Variants in KAZN observed in about 807,000 individuals in gnomAD.
KAZN encodes kazrin.
KAZN carries 40 observed loss-of-function variants against 87.4 expected under a neutral mutation model. The observed-to-expected ratio is 0.46, with a 90% CI of 0.36 to 0.60. KAZN has a LOEUF of 0.60. Ranked by LOEUF, KAZN falls within the 20% of genes least tolerant of loss-of-function variation. The probability of loss-of-function intolerance (pLI) is 0.00; values close to 1 mark genes in which losing one functional copy is unlikely to be tolerated. For missense variants in KAZN, 898 were observed against 1,073.9 expected (o/e 0.84, Z 2.29); for synonymous variants, 466 against 458.3 (o/e 1.02, Z -0.22).
intron 1 of KAZN, among the ~76,000 whole-genome samples, chr1:13,945,294 T>C (rs1641093823): frequency 6.8e-6 from 1 of 147,272 alleles, no homozygotes; most frequent in African/African-American, 2.5e-5. Flanking sequence ...GCCAACATGG[T>C]GAAACCCCCA....
At chr1:14,870,466 C>T (rs1199454185) in intron 1 of KAZN, among the ~76,000 whole-genome samples, 1 of 152,160 alleles carries the variant, frequency 6.6e-6, no homozygotes, top group Non-Finnish European at 1.5e-5. Context: ...CCTCAGCCTC[C>T]AAGTAGCTGG....
intron 1 of KAZN, among the ~76,000 whole-genome samples, chr1:13,935,900 G>GTGTGTGTA (rs60444554): frequency 0.091 from 12,875 of 141,392 alleles, 1,231 homozygotes; most frequent in East Asian, 0.13. Flanking sequence ...GTGTGTGTGT[G>GTGTGTGTA]TAGAATCAGA....
chr1:14,556,418 C>T (rs1052582700), intron 2 of KAZN, among the ~76,000 whole-genome samples: 2 of 152,172 alleles, frequency 1.3e-5, no homozygotes, highest in East Asian at 3.9e-4. Flanking sequence ...GGGGGAAGAG[C>T]AGTTCTTAAG....
intron 1 of KAZN, among the ~76,000 whole-genome samples, chr1:14,695,773 G>A (rs59723406): frequency 0.023 from 3,438 of 151,778 alleles, 144 homozygotes; most frequent in African/African-American, 0.079. Flanking sequence ...CAAAGTGCTG[G>A]GATTACAGGC....
intron 2 of KAZN, among the ~76,000 whole-genome samples, chr1:14,473,323 G>A (rs1668550390): frequency 6.6e-6 from 1 of 152,106 alleles, no homozygotes; most frequent in Non-Finnish European, 1.5e-5. Flanking sequence ...TGCTAAGCCT[G>A]GCAACTTTAT....
In KAZN at chr1:15,056,214, G is replaced by A. The variant is rs748641210; in HGVS notation, c.850G>A (p.Ala284Thr). Residue 284 changes from alanine to threonine, a missense_variant, in exon 5 of 15, where the codon GCA (alanine) becomes ACA (threonine). This residue lies in a region of KAZN where 521 missense variants were observed against 689.4 expected (regional missense o/e 0.76). Coordinates refer to ENST00000376030, the MANE Select transcript of KAZN (RefSeq NM_201628.3). This position sits in a 1 kb window ranked among gnomAD's most constrained non-coding sequence, Gnocchi z 5.4. ...WVVQADLPLT[A>T]AIRQSQQTLY... ...GGTGCAGGCGGACCTCCCGCTGACC[G>A]CAGCCATCCGGCAGAGTCAACAGAC... 5 of 1,613,904 alleles carry A rather than the reference G, an allele frequency of 3.1e-6. No individual in the cohort carries two copies. The highest frequency in any genetic ancestry group is 1.7e-5 in the Admixed American group (1 of 59,998).
At chr1:15,019,545 C>A (rs79975272) in intron 2 of KAZN, among the ~76,000 whole-genome samples, 19,775 of 151,956 alleles carry the variant, frequency 0.13, 1,814 homozygotes, top group East Asian at 0.49. Context: ...CCCGCCACCA[C>A]GCCAAGCTAA....
chr1:14,839,229 A>C (rs1216190832), intron 1 of KAZN, among the ~76,000 whole-genome samples: 1 of 152,046 alleles, frequency 6.6e-6, no homozygotes, highest in African/African-American at 2.4e-5. Context: ...CAGTCTCCGG[A>C]GTGTTCTGTC....
At chr1:14,693,002 T>A (rs759978949) in intron 1 of KAZN, among the ~76,000 whole-genome samples, 3 of 152,128 alleles carry the variant, frequency 2.0e-5, no homozygotes, top group Non-Finnish European at 2.9e-5. Context: ...TTTGACCAGT[T>A]CTGGTCTTCT....
chr1:14,829,541 G>T (rs1000748538), intron 1 of KAZN, among the ~76,000 whole-genome samples: 1 of 152,176 alleles, frequency 6.6e-6, no homozygotes, highest in Non-Finnish European at 1.5e-5. Context: ...CTGTACTCCA[G>T]CCTGGGTGAC....
At position 14,922,652 on chromosome 1, in the gene KAZN, C is replaced by A. The variant is rs1180277171; in HGVS notation, c.227-38032C>A. Among the ~76,000 whole-genome samples the A allele has an allele frequency of 7.9e-5, 12 of 152,100 alleles. 1 individual carries two copies. The highest frequency in any genetic ancestry group is 2.9e-4 in the African/African-American group (12 of 41,488). ...ACTAAAAATACAAAAATTAGCCGGG[C>A]ATGGTGGCGGGCACCTGTAATCCCA... On this transcript the variant is annotated intron_variant, in intron 1 of 14. Transcript: ENST00000376030.
chr1:14,297,743 C>G (rs1378422020), intron 2 of KAZN, among the ~76,000 whole-genome samples: 2 of 152,186 alleles, frequency 1.3e-5, no homozygotes, highest in Non-Finnish European at 2.9e-5. Context: ...ATTAGAGGAA[C>G]AGCCTTGAAT....
At chr1:15,003,855 C>T (rs1043732750) in intron 2 of KAZN, among the ~76,000 whole-genome samples, 2 of 152,160 alleles carry the variant, frequency 1.3e-5, no homozygotes, top group African/African-American at 4.8e-5. Context: ...GACCTGGGTT[C>T]AGCCTCTGTC....
intron 1 of KAZN, among the ~76,000 whole-genome samples, chr1:14,662,473 T>C (rs1342608899): frequency 3.3e-5 from 5 of 152,196 alleles, no homozygotes; most frequent in South Asian, 4.1e-4. Context: ...GATGTTAGGC[T>C]GTGGGAGGAC....
Position 14,773,856 on chromosome 1 carries a change from T to C in KAZN, c.226+174633T>C, listed in dbSNP as rs894109391. Among the ~76,000 whole-genome samples the C allele has an allele frequency of 2.6e-5, 4 of 152,026 alleles. No individual in the cohort carries two copies. Among genetic ancestry groups the C allele is most frequent in the East Asian group, 1.9e-4 (1 of 5,162 alleles). On this transcript the variant is annotated intron_variant, in intron 1 of 14. Transcript: ENST00000376030. The surrounding 1 kb of genome is among the most constrained non-coding windows in gnomAD (Gnocchi z 5.9). ...CCCCTCCCCTCCAAAGAAAACACCA[T>C]CTTTCCAGGACTGATGGCACTGAGG...
intron 1 of KAZN, among the ~76,000 whole-genome samples, chr1:14,759,854 T>A (rs1286242483): frequency 6.6e-6 from 1 of 152,190 alleles, no homozygotes; most frequent in Non-Finnish European, 1.5e-5. Flanking sequence ...CCTTTTCTTG[T>A]GCACCACGCT....
At chr1:13,904,761 C>T (rs539350302) in intron 1 of KAZN, among the ~76,000 whole-genome samples, 3 of 152,178 alleles carry the variant, frequency 2.0e-5, no homozygotes, top group African/African-American at 7.2e-5. Context: ...TTTATCCTAT[C>T]TGGGGTTTGT....
At position 15,094,820 on chromosome 1, in the gene KAZN, G is replaced by C. The variant is rs1307075825; in HGVS notation, c.1434G>C (p.Leu478=). The C allele has an allele frequency of 1.6e-5, 25 of 1,549,482 alleles. No individual in the cohort carries two copies. Among genetic ancestry groups the C allele is most frequent in the Non-Finnish European group, 2.1e-5 (24 of 1,146,040 alleles). ...ACACTCCCTCCCGGGGGCAGGTGCT[G>C]CTGAGCCTGAGTGACGAGGACCTGC... The part of the protein sequence containing the change: ...CTENVKSGKV[L]LSLSDEDLQL... Residue 478 remains leucine, a synonymous_variant, in exon 10 of 15, where the codon CTG becomes CTC. Transcript: ENST00000376030. The surrounding 1 kb of genome is among the most constrained non-coding windows in gnomAD (Gnocchi z 4.5).
At position 14,192,184 on chromosome 1, in the gene KAZN, A is replaced by G. The variant is rs555323984; in HGVS notation, c.249+11592A>G. On this transcript the variant is annotated intron_variant, in intron 2 of 16. Transcript: ENST00000636203. ...GTGAGGAACAAAGGGGAAAAGAAAC[A>G]CTCTGTGGAGTAGGCAAGAAAATCC... Among the ~76,000 whole-genome samples, 40 of 152,114 alleles carry G rather than the reference A, an allele frequency of 2.6e-4. No homozygotes were observed. In the South Asian group the frequency reaches 4.2e-3, roughly 16 times the overall value.
Sources: gnomAD v4.1 joint callset for allele counts (sites outside exome capture counted in the v4.1 genomes callset) on GRCh38, gnomAD v4.1.1 for gene constraint, gnomAD v4.1.1 regional missense constraint, Gnocchi (gnomAD v3.1) non-coding constraint, MANE v1.5 for transcripts, NCBI Gene and HGNC (gene_info 2026-07-23, HGNC 2026-07-21) for gene names.